MCTP2: variants seen among roughly 807,000 people sequenced by gnomAD.
MCTP2 encodes the protein multiple C2 and transmembrane domain containing 2.
Under a neutral mutation model 111.6 loss-of-function variants are expected in MCTP2, and 132 were observed. That is an observed-to-expected ratio of 1.18 (90% CI 1.03 to 1.37). The LOEUF is 1.37. Among genes scored for constraint, MCTP2 ranks in the 40% most tolerant of loss-of-function variants. The pLI, the probability that MCTP2 is intolerant of heterozygous loss-of-function variation, is 0.00. For synonymous variants in MCTP2, 395 were observed against 387.7 expected (o/e 1.02, Z -0.22); for missense variants, 1,183 against 1,067.9 (o/e 1.11, Z -1.50).
At chr15:94,325,167 G>A (rs956778722) in intron 4 of MCTP2, among the ~76,000 whole-genome samples, 8 of 152,258 alleles carry the variant, frequency 5.3e-5, no homozygotes, top group Middle Eastern at 3.4e-3. Flanking sequence ...ATGGACCACC[G>A]GAGTTTGGAT....
chr15:94,474,275 C>G (rs1426989315), intron 21 of MCTP2, among the ~76,000 whole-genome samples: 1 of 152,154 alleles, frequency 6.6e-6, no homozygotes, highest in African/African-American at 2.4e-5. Context: ...TTTCCATGCT[C>G]ACTTCCTTTG....
At position 94,345,172 on chromosome 15, in the gene MCTP2, T is replaced by C. The variant is rs1268398020; in HGVS notation, c.1005+8T>C. 6.8e-6 allele frequency: 11 copies of C among 1,610,592 alleles called. No homozygotes were observed. Among genetic ancestry groups the C allele is most frequent in the African/African-American group, 1.3e-5 (1 of 74,846 alleles). On this transcript the variant is annotated splice_region_variant and intron_variant, in intron 8 of 22. Coordinates refer to ENST00000357742, the MANE Select transcript of MCTP2 (RefSeq NM_001385001.1). ...CGATTAAGTGCCAGCAAGGTAAATA[T>C]ACTTTTTTTTCCTTTAGATCATTTG... is the stretch of plus-strand genomic sequence containing the variant.
In MCTP2 at chr15:94,482,255, A is replaced by G. The variant is rs2074765306; in HGVS notation, c.*3221A>G. 6.6e-6 allele frequency: 1 copy of G among 152,246 alleles called. No homozygotes were observed. Among genetic ancestry groups the G allele is most frequent in the Non-Finnish European group, 1.5e-5 (1 of 68,030 alleles). The allele number at this position is 152,246 out of a possible 1,614,324, so 9.4% of individuals were successfully genotyped here. On this transcript the variant is annotated 3_prime_UTR_variant, in exon 23 of 23. Transcript: ENST00000357742. ...ATATTCTAGCTGCAATGGATAGCCT[A>G]GCAATTTTCAAAGTTTAGAGAAGTT...
At chr15:94,254,444 T>C (rs2072638175) in intron 1 of MCTP2, among the ~76,000 whole-genome samples, 1 of 152,190 alleles carries the variant, frequency 6.6e-6, no homozygotes, top group South Asian at 2.1e-4. Flanking sequence ...GATTTCTTCT[T>C]ACATAGGATT....
intron 4 of MCTP2, among the ~76,000 whole-genome samples, chr15:94,329,652 C>T (rs908821194): frequency 9.2e-5 from 14 of 152,036 alleles, no homozygotes; most frequent in Admixed American, 2.6e-4. Context: ...CCACCATGAC[C>T]GGATGACCTC....
chr15:94,480,156 C>T lies in MCTP2; in HGVS notation c.*1122C>T, dbSNP rs1272090220. ...CAGTATTTCCCTGCCATGTAAAAAT[C>T]CTGACTTTGTGCGTATATAAAATGT... On this transcript the variant is annotated 3_prime_UTR_variant, in exon 23 of 23. Transcript: ENST00000357742. 1 of 152,140 alleles carries T rather than the reference C, an allele frequency of 6.6e-6. No individual in the cohort carries two copies. The highest frequency in any genetic ancestry group is 1.5e-5 in the Non-Finnish European group (1 of 68,036). The allele number at this position is 152,140 out of a possible 1,614,324, so 9.4% of individuals were successfully genotyped here.
chr15:94,447,872 A>T (rs2084212438), intron 19 of MCTP2, among the ~76,000 whole-genome samples: 1 of 152,272 alleles, frequency 6.6e-6, no homozygotes, highest in African/African-American at 2.4e-5. Flanking sequence ...TACAATTTAT[A>T]CACAGGGCAT....
chr15:94,370,185 A>G lies in MCTP2; in HGVS notation c.1582+5A>G, dbSNP rs2079409654. ...TCTTAGCGGCAGATTTCTCAGGTACAGGACATTTTCATTTTCTAATTTATC... is the reference window on the plus strand; with the variant it reads ...TCTTAGCGGCAGATTTCTCAGGTACGGGACATTTTCATTTTCTAATTTATC... On this transcript the variant is annotated splice_donor_5th_base_variant and intron_variant, in intron 12 of 22. Transcript: ENST00000357742. 1.3e-6 allele frequency: 2 copies of G among 1,596,582 alleles called. No individual in the cohort carries two copies. The highest frequency in any genetic ancestry group is 1.1e-5 in the South Asian group (1 of 87,838).
intron 1 of MCTP2, among the ~76,000 whole-genome samples, chr15:94,255,975 C>T (rs1196848223): frequency 2.0e-5 from 3 of 152,248 alleles, no homozygotes; most frequent in East Asian, 1.9e-4. Flanking sequence ...ACTCAGATGT[C>T]GCATAAAAAC....
At chr15:94,299,219 C>T (rs545536303) in intron 2 of MCTP2, among the ~76,000 whole-genome samples, 1 of 151,740 alleles carries the variant, frequency 6.6e-6, no homozygotes, top group South Asian at 2.1e-4. Flanking sequence ...ATAACTCTTC[C>T]AGAATACTTT....
chr15:94,433,462 G>A (rs1327369061), intron 17 of MCTP2, among the ~76,000 whole-genome samples: 11 of 152,118 alleles, frequency 7.2e-5, no homozygotes, highest in South Asian at 6.2e-4. Context: ...CCTAACATAC[G>A]TGATTTTTCT....
intron 10 of MCTP2, 144 bp from the exon 11 acceptor site, chr15:94,367,461 G>T: frequency 1.6e-6 from 1 of 613,578 alleles, no homozygotes. Flanking sequence ...TTATGAATTA[G>T]GGCAACCTTT....
Position 94,275,404 on chromosome 15 carries a change from A to G in MCTP2, c.-65-22797A>G, listed in dbSNP as rs749978525. On this transcript the variant is annotated intron_variant, in intron 1 of 22. Coordinates refer to ENST00000357742, the MANE Select transcript of MCTP2 (RefSeq NM_001385001.1). ...TGTGTTAGAAGGAATAACAGAAATC[A>G]TCAAGATCAGTATTTACAGGTAAAT... Among the ~76,000 whole-genome samples the G allele has an allele frequency of 9.0e-4, 137 of 152,188 alleles. 2 individuals are homozygous for G. Among genetic ancestry groups the G allele is most frequent in the Non-Finnish European group, 1.7e-3 (114 of 68,018 alleles).
chr15:94,335,605 A>G (rs1045129389), intron 4 of MCTP2, among the ~76,000 whole-genome samples: 10 of 152,236 alleles, frequency 6.6e-5, no homozygotes, highest in African/African-American at 7.2e-5. Flanking sequence ...TCCTCTGCAT[A>G]TAATCACTTA....
At chr15:94,267,869 C>CTTTTTTTTTTTTTTTCTTTTTTTTT (rs755287019) in intron 1 of MCTP2, among the ~76,000 whole-genome samples, 1 of 77,454 alleles carries the variant, frequency 1.3e-5, no homozygotes, top group Non-Finnish European at 2.2e-5. Flanking sequence ...CCTTTTCTTT[C>CTTTTTTTTTTTTTTTCTTTTTTTTT]TTTTTTTTTT....
intron 17 of MCTP2, among the ~76,000 whole-genome samples, 177 bp from the exon 18 acceptor site, chr15:94,439,999 A>T (rs971466689): frequency 1.3e-5 from 2 of 152,096 alleles, no homozygotes; most frequent in African/African-American, 4.8e-5. Flanking sequence ...AGCTCTTTCT[A>T]TGCTACCAGT....
At chr15:94,296,435 T>C (rs2075280860) in intron 1 of MCTP2, among the ~76,000 whole-genome samples, 1 of 152,198 alleles carries the variant, frequency 6.6e-6, no homozygotes, top group South Asian at 2.1e-4. Flanking sequence ...ACTCCATACC[T>C]AGCACTGTTC....
intron 17 of MCTP2, chr15:94,402,431 T>C: frequency 6.5e-7 from 1 of 1,538,822 alleles, no homozygotes. Context: ...AAGATGTTTA[T>C]TCATTTCAAG....
At chr15:94,408,078 G>A (rs1159690052) in intron 17 of MCTP2, among the ~76,000 whole-genome samples, 2 of 152,104 alleles carry the variant, frequency 1.3e-5, no homozygotes, top group Admixed American at 6.5e-5. Context: ...TGTTAACTGT[G>A]TCTAAAAGAT....
Sources: gnomAD v4.1 joint callset for allele counts (sites outside exome capture counted in the v4.1 genomes callset) on GRCh38, gnomAD v4.1.1 for gene constraint, MANE v1.5 for transcripts, NCBI Gene and HGNC (gene_info 2026-07-23, HGNC 2026-07-21) for gene names.